Variants in TMEM266 observed in about 807,000 individuals in gnomAD.
The protein encoded by TMEM266 is transmembrane protein 266.
A neutral mutation model predicts 50.5 loss-of-function variants in TMEM266; 33 were observed. The observed-to-expected ratio is 0.65, with a 90% CI of 0.50 to 0.87. The LOEUF (loss-of-function observed/expected upper bound fraction) is 0.87, where lower values mean the gene tolerates loss of function less well. Among genes scored for constraint, TMEM266 ranks in the 40% least tolerant of loss-of-function variants. TMEM266 has a pLI of 0.00. For missense variants in TMEM266, 655 were observed against 695.1 expected, an observed-to-expected ratio of 0.94 and a Z score of 0.65; for synonymous variants, 310 against 292.3, an observed-to-expected ratio of 1.06 and a Z score of -0.62.
At chr15:76,155,912 G>A (rs565209404) in intron 3 of TMEM266, among the ~76,000 whole-genome samples, 17 of 152,286 alleles carry the variant, frequency 1.1e-4, no homozygotes, top group Admixed American at 4.6e-4. Flanking sequence ...CCATGTCACC[G>A]CATTCTTAGA....
chr15:76,199,749 A>G (rs1346051818), intron 9 of TMEM266, among the ~76,000 whole-genome samples: 1 of 116,348 alleles, frequency 8.6e-6, no homozygotes, highest in African/African-American at 3.3e-5. Flanking sequence ...TGGAGCTTTG[A>G]GAGTAAACAC....
At chr15:76,177,623 G>T (rs2038309017) in intron 8 of TMEM266, among the ~76,000 whole-genome samples, 2 of 152,262 alleles carry the variant, frequency 1.3e-5, no homozygotes, top group South Asian at 4.1e-4. Context: ...GCCCTCAGGG[G>T]CACGTTGTCC....
intron 5 of TMEM266, among the ~76,000 whole-genome samples, chr15:76,164,216 T>A (rs992512880): frequency 2.6e-5 from 4 of 152,178 alleles, no homozygotes; most frequent in African/African-American, 7.2e-5. Context: ...ACTTTCTTTT[T>A]TCTTTTCGAG....
intron 8 of TMEM266, among the ~76,000 whole-genome samples, chr15:76,190,424 A>G (rs896063681): frequency 6.6e-6 from 1 of 152,194 alleles, no homozygotes; most frequent in Non-Finnish European, 1.5e-5. Flanking sequence ...GTGGCGAACC[A>G]TCGAGGTTTA....
intron 1 of TMEM266, chr15:76,112,200 A>G (rs1175496169): frequency 6.6e-6 from 1 of 152,200 alleles, no homozygotes; most frequent in African/African-American, 2.4e-5. Context: ...ACTGTTCTGT[A>G]TGATACTCTT....
chr15:76,137,621 C>A (rs1167523281), intron 2 of TMEM266, 86 bp from the exon 3 acceptor site: 2 of 1,334,346 alleles, frequency 1.5e-6, no homozygotes, highest in Non-Finnish European at 2.1e-6. Flanking sequence ...GGCATAGCAG[C>A]ATTCTCCCTC....
intron 3 of TMEM266, among the ~76,000 whole-genome samples, chr15:76,155,751 A>G (rs1004959985): frequency 6.6e-6 from 1 of 152,194 alleles, no homozygotes; most frequent in African/African-American, 2.4e-5. Flanking sequence ...AACTATGAAC[A>G]TTCTGTGGAA....
chr15:76,140,615 G>C (rs891289292), intron 3 of TMEM266, among the ~76,000 whole-genome samples: 14 of 152,252 alleles, frequency 9.2e-5, no homozygotes, highest in African/African-American at 3.1e-4. Context: ...TGATATTTCA[G>C]GGCTTTTCAA....
chr15:76,185,223 G>A (rs530656602), intron 8 of TMEM266, among the ~76,000 whole-genome samples: 7 of 152,148 alleles, frequency 4.6e-5, no homozygotes, highest in East Asian at 1.9e-4. Flanking sequence ...TGTCTCATTC[G>A]TCTCCTCTTG....
intron 2 of TMEM266, among the ~76,000 whole-genome samples, chr15:76,135,911 C>T (rs1190471673): frequency 6.6e-6 from 1 of 151,392 alleles, no homozygotes; most frequent in East Asian, 1.9e-4. Context: ...GTATATTAAT[C>T]TCTGAACTTC....
chr15:76,069,590 AG>A (rs963198100), intron 1 of TMEM266, among the ~76,000 whole-genome samples: 2 of 152,278 alleles, frequency 1.3e-5, no homozygotes, highest in African/African-American at 4.8e-5. Flanking sequence ...AGGCCAAGGC[AG>A]GTGGATCATC....
Position 76,116,896 on chromosome 15 carries a change from CTT to C in TMEM266, c.-96-17253_-96-17252del, listed in dbSNP as rs143849730. Among the ~76,000 whole-genome samples, 771 of 131,632 alleles carry C rather than the reference CTT, an allele frequency of 5.9e-3. 12 individuals are homozygous for C. Among genetic ancestry groups the C allele is most frequent in the African/African-American group, 0.02 (708 of 35,940 alleles). The allele number at this position is 131,632 out of a possible 152,430, so 86.4% of individuals were successfully genotyped here. ...ATTTACAAACAGTAAAGCATATCTT[CTT>C]TTTTTTTTTTTTTTTTTTGAGACGG... On this transcript the variant is annotated intron_variant, in intron 1 of 10. Coordinates refer to ENST00000388942, the MANE Select transcript of TMEM266 (RefSeq NM_152335.3).
At chr15:76,149,461 G>T (rs1001784076) in intron 3 of TMEM266, among the ~76,000 whole-genome samples, 6 of 152,210 alleles carry the variant, frequency 3.9e-5, no homozygotes, top group African/African-American at 1.4e-4. Flanking sequence ...TGGAATGAAT[G>T]TTGAAACTGT....
At position 76,134,182 on chromosome 15, in the gene TMEM266, A is replaced by G. The variant is rs2037555551; in HGVS notation, c.-82A>G. 2 of 1,477,846 alleles carry G rather than the reference A, an allele frequency of 1.4e-6. No homozygotes were observed. Among genetic ancestry groups the G allele is most frequent in the African/African-American group, 1.4e-5 (1 of 71,524 alleles). 91.5% of individuals were successfully genotyped at this position (1,477,846 alleles called of 1,614,324 possible). On this transcript the variant is annotated 5_prime_UTR_variant, in exon 2 of 11. The change abolishes an upstream ATG in the 5' untranslated region. Transcript: ENST00000388942. ...TTTGTTTTCAGGGCACTATATTTGT[A>G]TGTGTCTTGTAGAACCCACGCTTGG...
At chr15:76,197,853 C>T (rs1192053357) in intron 9 of TMEM266, among the ~76,000 whole-genome samples, 1 of 152,258 alleles carries the variant, frequency 6.6e-6, no homozygotes, top group African/African-American at 2.4e-5. Flanking sequence ...TGACTCACCA[C>T]CCTTTCTCTC....
In TMEM266 at chr15:76,144,332, G is replaced by C. The variant is rs115849339; in HGVS notation, c.227+6437G>C. 6.6e-3 allele frequency among the ~76,000 whole-genome samples: 1,011 copies of C among 152,248 alleles called. 8 individuals carry two copies. Among genetic ancestry groups the C allele is most frequent in the African/African-American group, 0.023 (974 of 41,530 alleles). Reference sequence around the variant, plus strand: ...CCCAAAGCTACACGAAGCCTGCTGTGGTTACCTCTAGTCACCTATAGTCAG... The same window carrying C: ...CCCAAAGCTACACGAAGCCTGCTGTCGTTACCTCTAGTCACCTATAGTCAG... On this transcript the variant is annotated intron_variant, in intron 3 of 10. Transcript: ENST00000388942.
intron 1 of TMEM266, among the ~76,000 whole-genome samples, chr15:76,091,261 A>T (rs2036843306): frequency 6.6e-6 from 1 of 152,244 alleles, no homozygotes; most frequent in African/African-American, 2.4e-5. Flanking sequence ...GAAAAAAATT[A>T]CTTGAGGGTG....
intron 8 of TMEM266, among the ~76,000 whole-genome samples, chr15:76,180,165 A>G (rs191758643): frequency 6.6e-6 from 1 of 152,340 alleles, no homozygotes; most frequent in East Asian, 1.9e-4. Context: ...GCTGCCCATC[A>G]TTAACATCAT....
At chr15:76,089,847 A>C (rs118067149) in intron 1 of TMEM266, among the ~76,000 whole-genome samples, 1 of 152,258 alleles carries the variant, frequency 6.6e-6, no homozygotes, top group Non-Finnish European at 1.5e-5. Context: ...GAAACTCCAG[A>C]GACATTTCTG....
Sources: allele counts gnomAD v4.1 joint callset (sites outside exome capture counted in the v4.1 genomes callset), GRCh38; gene constraint gnomAD v4.1.1; transcripts MANE v1.5; gene names NCBI Gene and HGNC (gene_info 2026-07-23, HGNC 2026-07-21).